Variants in NAV3 observed in about 807,000 individuals in gnomAD.
NAV3 encodes pore membrane and/or filament interacting like protein 1.
A neutral mutation model predicts 244.7 loss-of-function variants in NAV3; 87 were observed. The observed-to-expected ratio is 0.36, with a 90% confidence interval of 0.30 to 0.42. The LOEUF (loss-of-function observed/expected upper bound fraction) is 0.42, where lower values mean the gene tolerates loss of function less well. Ranked by LOEUF, NAV3 falls within the 20% of genes least tolerant of loss-of-function variation. NAV3 has a pLI of 1.00. For missense variants in NAV3, 2,663 were observed against 2,893.3 expected, an observed-to-expected ratio of 0.92 and a Z score of 1.83; for synonymous variants, 1,126 against 1,042.2, an observed-to-expected ratio of 1.08 and a Z score of -1.55.
chr12:77,954,949 C>G (rs899926774), intron 3 of NAV3, among the ~76,000 whole-genome samples: 2 of 152,040 alleles, frequency 1.3e-5, no homozygotes, highest in Non-Finnish European at 2.9e-5. Flanking sequence ...TTAAAGCACA[C>G]GTTTAGATCT....
At chr12:77,636,512 A>T (rs1290512760) in intron 2 of NAV3, among the ~76,000 whole-genome samples, 4 of 151,468 alleles carry the variant, frequency 2.6e-5, no homozygotes, top group East Asian at 1.9e-4. Flanking sequence ...ACTGAAGAGG[A>T]TGTGGAGAAA....
At chr12:77,958,487 A>T (rs1346679773) in intron 3 of NAV3, among the ~76,000 whole-genome samples, 1 of 152,132 alleles carries the variant, frequency 6.6e-6, no homozygotes, top group Non-Finnish European at 1.5e-5. Context: ...ATATGGACCA[A>T]TTTCTATTAC....
chr12:77,752,672 G>A (rs1424611811), intron 2 of NAV3, among the ~76,000 whole-genome samples: 2 of 152,040 alleles, frequency 1.3e-5, no homozygotes, highest in Non-Finnish European at 2.9e-5. Flanking sequence ...GCCTCACTGA[G>A]CCTTTTTTTC....
intron 39 of NAV3, among the ~76,000 whole-genome samples, chr12:78,206,854 C>CTTTTTTTTTTTTTTTTTTTTTTTTATTT (rs10594185): frequency 8.7e-6 from 1 of 114,840 alleles, no homozygotes. Context: ...TTCTTTCTTA[C>CTTTTTTTTTTTTTTTTTTTTTTTTATTT]TTTTTTTTTT....
At chr12:77,835,307 A>G (rs1317571209) in intron 1 of NAV3, among the ~76,000 whole-genome samples, 1 of 152,240 alleles carries the variant, frequency 6.6e-6, no homozygotes, top group African/African-American at 2.4e-5. Flanking sequence ...GCTAAGAATT[A>G]TGGGTTCAAT....
chr12:78,193,228 T>A (rs755842365), intron 34 of NAV3, among the ~76,000 whole-genome samples: 1 of 152,202 alleles, frequency 6.6e-6, no homozygotes, highest in Non-Finnish European at 1.5e-5. Context: ...ATTCTGTTCC[T>A]CTTCCCACAC....
intron 1 of NAV3, among the ~76,000 whole-genome samples, chr12:77,905,796 C>T (rs113164522): frequency 0.019 from 2,853 of 152,136 alleles, 50 homozygotes; most frequent in Non-Finnish European, 0.029. Context: ...ACAATATGAG[C>T]ACAAAAATTA....
rs115769380 is a variant in NAV3 at position 77,872,801 on chromosome 12, T to C, written c.243+41097T>C. Among the ~76,000 whole-genome samples, 208 of 152,282 alleles carry C rather than the reference T, an allele frequency of 1.4e-3. 2 individuals carry two copies. Among genetic ancestry groups the C allele is most frequent in the African/African-American group, 4.8e-3 (200 of 41,578 alleles). On this transcript the variant is annotated intron_variant, in intron 1 of 39. Transcript: ENST00000397909. Reference sequence around the variant, plus strand: ...AATGAGGAGCTGTTTATTTATGTCATTTTTTTCATATTCTATTGTGTTGAA... The same window carrying C: ...AATGAGGAGCTGTTTATTTATGTCACTTTTTTCATATTCTATTGTGTTGAA...
At chr12:77,837,861 T>A (rs76433252) in intron 1 of NAV3, among the ~76,000 whole-genome samples, 1 of 152,340 alleles carries the variant, frequency 6.6e-6, no homozygotes, top group South Asian at 2.1e-4. Context: ...CTGCATTGTT[T>A]GAGTAACAGA....
chr12:77,577,675 A>G (rs1019154348), intron 2 of NAV3, among the ~76,000 whole-genome samples: 5 of 152,154 alleles, frequency 3.3e-5, no homozygotes, highest in African/African-American at 1.2e-4. Context: ...GAATTATATG[A>G]AAATCTCTGA....
At chr12:77,813,097 A>G (rs1246705742) in intron 2 of NAV3, among the ~76,000 whole-genome samples, 1 of 152,176 alleles carries the variant, frequency 6.6e-6, no homozygotes, top group African/African-American at 2.4e-5. Context: ...TGCTGAGATT[A>G]CAGGTGTAAG....
intron 2 of NAV3, among the ~76,000 whole-genome samples, chr12:77,707,760 G>A (rs555142288): frequency 6.6e-6 from 1 of 152,158 alleles, no homozygotes; most frequent in Non-Finnish European, 1.5e-5. Context: ...CATTTTAACT[G>A]GTGTGAGATG....
At chr12:78,137,115 C>G in intron 18 of NAV3, 62 bp from the exon 19 acceptor site, 1 of 1,451,858 alleles carries the variant, frequency 6.9e-7, no homozygotes, top group Non-Finnish European at 9.3e-7. Context: ...TACTTTCTAT[C>G]AACCTGCTAT....
intron 1 of NAV3, among the ~76,000 whole-genome samples, chr12:77,872,986 A>G (rs1881209348): frequency 6.6e-6 from 1 of 152,226 alleles, no homozygotes; most frequent in Non-Finnish European, 1.5e-5. Flanking sequence ...CGCAGGAGGT[A>G]ATTGATCATG....
At chr12:78,020,597 T>C (rs576122976) in intron 8 of NAV3, among the ~76,000 whole-genome samples, 33 of 152,288 alleles carry the variant, frequency 2.2e-4, no homozygotes, top group Non-Finnish European at 3.8e-4. Context: ...CATGTAGTTT[T>C]CCATACTTTA....
intron 5 of NAV3, among the ~76,000 whole-genome samples, chr12:77,985,628 G>A (rs1401766095): frequency 2.6e-5 from 4 of 151,268 alleles, no homozygotes; most frequent in Non-Finnish European, 4.4e-5. Flanking sequence ...TACACTACAC[G>A]AGCGATGTTC....
intron 5 of NAV3, among the ~76,000 whole-genome samples, chr12:77,982,774 G>A (rs1265595592): frequency 2.6e-5 from 4 of 152,176 alleles, no homozygotes; most frequent in African/African-American, 9.7e-5. Flanking sequence ...TGGCGGGGAT[G>A]TCACAAACTG....
intron 2 of NAV3, among the ~76,000 whole-genome samples, chr12:77,793,096 G>C (rs1229926503): frequency 6.6e-6 from 1 of 152,052 alleles, no homozygotes; most frequent in African/African-American, 2.4e-5. Context: ...AATACATACA[G>C]AGCATGCACT....
chr12:78,056,784 C>T (rs11108049), intron 11 of NAV3, among the ~76,000 whole-genome samples: 19 of 152,050 alleles, frequency 1.2e-4, no homozygotes, highest in Non-Finnish European at 2.4e-4. Flanking sequence ...AAATTTAACT[C>T]TCTTTTCAAA....
Sources: allele counts gnomAD v4.1 joint callset (sites outside exome capture counted in the v4.1 genomes callset), GRCh38; gene constraint gnomAD v4.1.1; transcripts MANE v1.5; gene names NCBI Gene and HGNC (gene_info 2026-07-23, HGNC 2026-07-21).